ADAMTS14: variants seen among roughly 807,000 people sequenced by gnomAD.
ADAMTS14 encodes the protein A disintegrin and metalloproteinase with thrombospondin motifs 14.
In ADAMTS14, 100 loss-of-function variants were observed where a neutral mutation model predicts 128.6. The observed-to-expected ratio is 0.78, with a 90% confidence interval of 0.66 to 0.92. The LOEUF is 0.92. Ranked by LOEUF, ADAMTS14 falls within the 40% of genes least tolerant of loss-of-function variation. ADAMTS14 has a pLI of 0.00. For missense variants in ADAMTS14, 1,562 were observed against 1,658.6 expected, an observed-to-expected ratio of 0.94 and a Z score of 1.01; for synonymous variants, 665 against 653.8, an observed-to-expected ratio of 1.02 and a Z score of -0.26.
intron 19 of ADAMTS14, among the ~76,000 whole-genome samples, chr10:70,755,060 C>CTT (rs1842448151): frequency 1.3e-5 from 2 of 151,984 alleles, no homozygotes; most frequent in African/African-American, 4.8e-5. Flanking sequence ...GTGGGCAGAT[C>CTT]TTTGGGAGGC....
chr10:70,729,210 T>C, intron 4 of ADAMTS14, 84 bp from the exon 5 acceptor site: 1 of 1,162,474 alleles, frequency 8.6e-7, no homozygotes, highest in Non-Finnish European at 1.3e-6. Context: ...GGATACCATA[T>C]GTTAGGTACC....
Position 70,741,306 on chromosome 10 carries a change from G to A in ADAMTS14, c.1924+144G>A, listed in dbSNP as rs1048059607. The A allele has an allele frequency of 2.4e-5, 24 of 987,896 alleles. No homozygotes were observed. In the African/African-American group the frequency reaches 2.8e-4, roughly 11 times the overall value. 61.2% of individuals were successfully genotyped at this position (987,896 alleles called of 1,614,324 possible). A position where few individuals can be genotyped will look rare whatever the true frequency, so the allele number is the denominator to read the frequency against. Reference sequence around the variant, plus strand: ...TGCCAAAAGGGACACTGAAGTCAGCGGGCTCACCATATACCCTTTTGTAGG... The same window carrying A: ...TGCCAAAAGGGACACTGAAGTCAGCAGGCTCACCATATACCCTTTTGTAGG... On this transcript the variant is annotated intron_variant, in intron 12 of 21. Coordinates refer to ENST00000373207, the MANE Select transcript of ADAMTS14 (RefSeq NM_080722.4).
In ADAMTS14 at chr10:70,733,973, T is replaced by C; in HGVS notation, c.1297T>C (p.Phe433Leu). ...SVMAPLVQAA[F>L]HRFHWSRCSK... is the part of the protein sequence containing the mutation. Reference sequence around the variant, plus strand: ...CATGGCGCCCCTGGTGCAGGCTGCCTTCCACCGCTTCCATTGGTCCCGCTG... The same window carrying C: ...CATGGCGCCCCTGGTGCAGGCTGCCCTCCACCGCTTCCATTGGTCCCGCTG... Residue 433 changes from phenylalanine (F) to leucine (L), a missense_variant, in exon 8 of 22, where the codon TTC becomes CTC. Physicochemically the swap from Phe to Leu is conservative, Grantham distance 22. Transcript: ENST00000373207. 1 of 1,613,832 alleles carries C rather than the reference T, an allele frequency of 6.2e-7. No homozygotes were observed. Among genetic ancestry groups the C allele is most frequent in the Non-Finnish European group, 8.5e-7 (1 of 1,179,996 alleles).
At chr10:70,724,351 C>T (rs1841360970) in intron 4 of ADAMTS14, among the ~76,000 whole-genome samples, 1 of 152,188 alleles carries the variant, frequency 6.6e-6, no homozygotes, top group Admixed American at 6.5e-5. Flanking sequence ...CTGTTCTGCC[C>T]TGTGGGTGTG....
rs1842519158 is a variant in ADAMTS14 at position 70,757,998 on chromosome 10, C to T, written c.2974C>T (p.Gln992Ter). 1 of 1,613,154 alleles carries T rather than the reference C, an allele frequency of 6.2e-7. No homozygotes were observed. Among genetic ancestry groups the T allele is most frequent in the East Asian group, 2.2e-5 (1 of 44,898 alleles). The change falls in exon 20 of 22, where the codon CAG becomes TAG. Residue 992 changes from glutamine (Q) to a stop codon, truncating the protein, a stop_gained. Coordinates refer to ENST00000373207, the MANE Select transcript of ADAMTS14 (RefSeq NM_080722.4). LOFTEE classifies it high-confidence loss of function. ...ATCGEGIQQR[Q>*]VVCRTNANSL... is the part of the protein sequence containing the mutation. ...CTGTGGAGAGGGCATCCAGCAGCGGCAGGTGGTGTGCAGGACCAACGCCAA... is the reference window on the plus strand; with the variant it reads ...CTGTGGAGAGGGCATCCAGCAGCGGTAGGTGGTGTGCAGGACCAACGCCAA...
At chr10:70,743,739 G>C in intron 13 of ADAMTS14, 58 bp downstream of exon 13, 1 of 1,487,222 alleles carries the variant, frequency 6.7e-7, no homozygotes, top group Non-Finnish European at 8.9e-7. Flanking sequence ...GGGCTGCACT[G>C]TAGCCCCTCC....
intron 4 of ADAMTS14, among the ~76,000 whole-genome samples, chr10:70,717,669 C>A (rs1236645513): frequency 6.6e-6 from 1 of 152,166 alleles, no homozygotes; most frequent in Non-Finnish European, 1.5e-5. Flanking sequence ...CTCCTAGGGC[C>A]TGGAACTGGA....
In ADAMTS14 at chr10:70,761,447, C is replaced by CCAGCTGAGGCCAGGCAGCTGAGGCCAGG. The variant is rs1364883109; in HGVS notation, c.*612_*613insTGAGGCCAGGCAGCTGAGGCCAGGCAGC. The CCAGCTGAGGCCAGGCAGCTGAGGCCAGG allele has an allele frequency of 5.9e-5, 9 of 152,474 alleles. No individual in the cohort carries two copies. The highest frequency in any genetic ancestry group is 2.2e-4 in the African/African-American group (9 of 41,452). 9.4% of individuals were successfully genotyped at this position (152,474 alleles called of 1,614,324 possible). A position where few individuals can be genotyped will look rare whatever the true frequency, so the allele number is the denominator to read the frequency against. On this transcript the variant is annotated 3_prime_UTR_variant, in exon 22 of 22. Transcript: ENST00000373207. ...AAGCCAAGAGCTCCATGCAGTTCCA[C>CCAGCTGAGGCCAGGCAGCTGAGGCCAGG]CAGCTGAGGCCAGGCAGCAGAGGCC...
intron 4 of ADAMTS14, among the ~76,000 whole-genome samples, chr10:70,727,748 G>A (rs1841489411): frequency 6.6e-6 from 1 of 152,196 alleles, no homozygotes; most frequent in African/African-American, 2.4e-5. Flanking sequence ...GATGGCGGCA[G>A]TGGCATTTTT....
At chr10:70,682,193 G>T (rs1367321145) in intron 2 of ADAMTS14, among the ~76,000 whole-genome samples, 1 of 152,236 alleles carries the variant, frequency 6.6e-6, no homozygotes, top group African/African-American at 2.4e-5. Flanking sequence ...AGATGCACCA[G>T]GAGTAAGCAG....
intron 4 of ADAMTS14, among the ~76,000 whole-genome samples, chr10:70,715,804 C>T (rs1045772572): frequency 3.9e-5 from 6 of 152,140 alleles, no homozygotes; most frequent in Non-Finnish European, 2.9e-5. Flanking sequence ...GGGTAGGAAG[C>T]CCTCCAATCT....
At chr10:70,718,972 A>G (rs1451351574) in intron 4 of ADAMTS14, among the ~76,000 whole-genome samples, 1 of 152,050 alleles carries the variant, frequency 6.6e-6, no homozygotes, top group African/African-American at 2.4e-5. Context: ...CTGGGATTAC[A>G]GGTATGAGCC....
At position 70,761,098 on chromosome 10, in the gene ADAMTS14, A is replaced by T. The variant is rs1269803827; in HGVS notation, c.*245A>T. The T allele has an allele frequency of 5.9e-6, 3 of 505,884 alleles. No individual in the cohort carries two copies. Among genetic ancestry groups the T allele is most frequent in the African/African-American group, 3.8e-5 (2 of 52,382 alleles). 31.3% of individuals were successfully genotyped at this position (505,884 alleles called of 1,614,324 possible). A position where few individuals can be genotyped will look rare whatever the true frequency, so the allele number is the denominator to read the frequency against. On this transcript the variant is annotated 3_prime_UTR_variant, in exon 22 of 22. Coordinates refer to ENST00000373207, the MANE Select transcript of ADAMTS14 (RefSeq NM_080722.4). ...TGCCCCCGGCGGGACTGACCCTCTC[A>T]GGGCCCCTGTTGGTCTCCCCTGCCA...
chr10:70,732,223 G>C (rs200791451), intron 6 of ADAMTS14, 31 bp from the exon 7 acceptor site: 2 of 1,598,290 alleles, frequency 1.3e-6, no homozygotes, highest in Non-Finnish European at 1.7e-6. Flanking sequence ...CCTCCACCTC[G>C]CTCTCCACCT....
intron 2 of ADAMTS14, among the ~76,000 whole-genome samples, chr10:70,700,123 G>A (rs918655765): frequency 3.3e-5 from 5 of 152,154 alleles, no homozygotes; most frequent in South Asian, 2.1e-4. Flanking sequence ...GGTGTGTCCC[G>A]GGCCTGGAGC....
In ADAMTS14 at chr10:70,730,084, C is replaced by T. The variant is rs1472668207; in HGVS notation, c.955-18C>T. 6.4e-7 allele frequency: 1 copy of T among 1,569,194 alleles called. No individual in the cohort carries two copies. Reference sequence around the variant, plus strand: ...CTGACCCTCCACGTGGCTGTTGGTGCTCTCCCGGCCCCTGCAGTCCCTGAG... The same window carrying T: ...CTGACCCTCCACGTGGCTGTTGGTGTTCTCCCGGCCCCTGCAGTCCCTGAG... On this transcript the variant is annotated intron_variant, in intron 5 of 21. Transcript: ENST00000373207.
chr10:70,696,118 C>T (rs552948462), intron 2 of ADAMTS14, among the ~76,000 whole-genome samples: 3 of 152,030 alleles, frequency 2.0e-5, no homozygotes, highest in African/African-American at 4.8e-5. Context: ...TTCAAAGATG[C>T]GGGACACTCG....
chr10:70,674,487 TG>T, intron 1 of ADAMTS14, 68 bp from the exon 2 acceptor site: 2 of 1,485,204 alleles, frequency 1.3e-6, no homozygotes, highest in Non-Finnish European at 9.2e-7. Context: ...CCTGCCCGCG[TG>T]GGATTTCTGA....
chr10:70,734,055 G>A, intron 8 of ADAMTS14, 27 bp downstream of exon 8: 5 of 1,602,508 alleles, frequency 3.1e-6, no homozygotes, highest in Non-Finnish European at 4.3e-6. Context: ...CTCAGAGCTG[G>A]GATAGGGGAG....
Sources: allele counts gnomAD v4.1 joint callset (sites outside exome capture counted in the v4.1 genomes callset), GRCh38; gene constraint gnomAD v4.1.1; transcripts MANE v1.5; gene names NCBI Gene and HGNC (gene_info 2026-07-23, HGNC 2026-07-21).